The following LARS1 variants were observed in gnomAD, a reference collection of about 807,000 sequenced individuals.
The protein encoded by LARS1 is leucyl-tRNA synthetase 1.
In LARS1, 100 loss-of-function variants were observed where a neutral mutation model predicts 162.8. The observed-to-expected ratio is 0.61, with a 90% CI of 0.52 to 0.73. The LOEUF is 0.73. LARS1 is among the 30% of genes least tolerant of loss of function. LARS1 has a pLI of 0.00. For synonymous variants in LARS1, 457 were observed against 462.8 expected (o/e 0.99, Z 0.16); for missense variants, 1,258 against 1,408.9 (o/e 0.89, Z 1.71).
At chr5:146,163,927 G>A (rs1753890073) in intron 6 of LARS1, among the ~76,000 whole-genome samples, 1 of 152,054 alleles carries the variant, frequency 6.6e-6, no homozygotes, top group Non-Finnish European at 1.5e-5. Flanking sequence ...TAGAAAACAG[G>A]GAAAACCAAG....
chr5:146,114,301 T>C lies in LARS1; in HGVS notation c.3336A>G (p.Lys1112=), dbSNP rs141790396. Residue 1112 remains lysine (K), a synonymous_variant, in exon 32 of 32, where the codon AAA becomes AAG. Transcript: ENST00000394434. ...GATCATCAAATCTCATCAGTTTCAC[T>C]TTGGAAAGGTCTACAACAAAATAAA... The part of the protein sequence containing the change: ...KMNRGIKDLS[K]VKLMRFDDPL... 2,552 of 1,613,630 alleles carry C rather than the reference T, an allele frequency of 1.6e-3. 4 individuals carry two copies. The highest frequency in any genetic ancestry group is 2.6e-3 in the Admixed American group (156 of 60,010).
intron 2 of LARS1, among the ~76,000 whole-genome samples, chr5:146,174,382 T>C (rs1204034071): frequency 7.0e-6 from 1 of 142,740 alleles, no homozygotes; most frequent in Non-Finnish European, 1.5e-5. Flanking sequence ...GAGTCGGAGG[T>C]TGCGGTGAGC....
intron 25 of LARS1, 142 bp downstream of exon 25, chr5:146,129,876 C>T: frequency 1.2e-6 from 1 of 823,370 alleles, no homozygotes; most frequent in South Asian, 2.1e-5. Context: ...TTTAACCCGT[C>T]ATAATTATGA....
intron 31 of LARS1, 89 bp from the exon 32 acceptor site, chr5:146,114,400 G>T: frequency 1.0e-6 from 1 of 1,001,974 alleles, no homozygotes; most frequent in Non-Finnish European, 1.5e-6. Context: ...TAAATACGCT[G>T]GTTGTTATAT....
rs780589430 is a variant in LARS1 at position 146,122,526 on chromosome 5, C to G, written c.3158G>C (p.Cys1053Ser). 6.2e-7 allele frequency: 1 copy of G among 1,608,102 alleles called. No individual in the cohort carries two copies. The highest frequency in any genetic ancestry group is 8.5e-7 in the Non-Finnish European group (1 of 1,175,674). The part of the protein sequence containing the change: ...EAEDKIREDC[C>S]PGKPLNVFRI... Reference sequence around the variant, plus strand: ...AAAAACATTAAGTGGTTTCCCAGGACAGCAGTCTTCCCTGATTTTATCTTC... The same window carrying G: ...AAAAACATTAAGTGGTTTCCCAGGAGAGCAGTCTTCCCTGATTTTATCTTC... The change falls in exon 30 of 32, where the codon TGT becomes TCT. Residue 1053 changes from cysteine (C) to serine (S), a missense_variant. Physicochemically the swap from Cys to Ser is moderately radical, Grantham distance 112. Coordinates refer to ENST00000394434, the MANE Select transcript of LARS1 (RefSeq NM_020117.11).
intron 15 of LARS1, among the ~76,000 whole-genome samples, chr5:146,147,559 T>C (rs1753068681): frequency 6.6e-6 from 1 of 152,112 alleles, no homozygotes; most frequent in Non-Finnish European, 1.5e-5. Context: ...TCTTTAAAAA[T>C]AAGTTCTTAT....
Position 146,151,842 on chromosome 5 carries a change from TA to T in LARS1, c.1425+19del. On this transcript the variant is annotated intron_variant, in intron 14 of 31. Transcript: ENST00000394434. ...AGCATGGAGTAAAGCAAATAAAAAC[TA>T]AAAAAAATTATTACTTACACCCTCA... is the stretch of plus-strand genomic sequence containing the variant. The T allele has an allele frequency of 1.1e-5, 18 of 1,598,412 alleles. No homozygotes were observed. The highest frequency in any genetic ancestry group is 1.1e-5 in the South Asian group (1 of 89,700).
Position 146,120,742 on chromosome 5 carries a change from T to C in LARS1, c.3193-239A>G, listed in dbSNP as rs1380008146. 5.3e-5 allele frequency among the ~76,000 whole-genome samples: 8 copies of C among 152,294 alleles called. No individual in the cohort carries two copies. The East Asian group carries it at 1.3e-3, about 26-fold the overall frequency. ...ACCAATGATGGACACTAACAATAAC[T>C]ACATTTTCTCTTCCACAACCACCAT... On this transcript the variant is annotated intron_variant, in intron 30 of 31. Transcript: ENST00000394434.
At chr5:146,115,409 A>G (rs1764162799) in intron 31 of LARS1, among the ~76,000 whole-genome samples, 1 of 152,044 alleles carries the variant, frequency 6.6e-6, no homozygotes, top group South Asian at 2.1e-4. Context: ...TGCTCAAAAG[A>G]TGAAAGTATT....
At chr5:146,159,296 G>T in intron 8 of LARS1, 111 bp downstream of exon 8, 1 of 746,276 alleles carries the variant, frequency 1.3e-6, no homozygotes, top group Non-Finnish European at 2.3e-6. Context: ...CAGAGTATCA[G>T]GACTACATCC....
chr5:146,159,567 C>G lies in LARS1; in HGVS notation c.708-97G>C, dbSNP rs557649375. 1.4e-5 allele frequency: 12 copies of G among 835,148 alleles called. No individual in the cohort carries two copies. In the Admixed American group the frequency reaches 2.5e-4, roughly 17 times the overall value. The allele number at this position is 835,148 out of a possible 1,614,324, so 51.7% of individuals were successfully genotyped here. A position where few individuals can be genotyped will look rare whatever the true frequency, so the allele number is the denominator to read the frequency against. ...TGCACCTAATTTCTTACATGTCTTGCAACTAGAATTTCTGAGTAGATATCT... is the reference window on the plus strand; with the variant it reads ...TGCACCTAATTTCTTACATGTCTTGGAACTAGAATTTCTGAGTAGATATCT... On this transcript the variant is annotated intron_variant, in intron 7 of 31. Transcript: ENST00000394434.
chr5:146,125,017 G>A (rs62371946), intron 28 of LARS1, among the ~76,000 whole-genome samples: 33,555 of 150,628 alleles, frequency 0.22, 4,718 homozygotes, highest in Admixed American at 0.34. Flanking sequence ...ACACACACAC[G>A]CACACACACA....
In LARS1 at chr5:146,177,649, G is replaced by T; in HGVS notation, c.23C>A (p.Ala8Asp). 6.3e-7 allele frequency: 1 copy of T among 1,591,184 alleles called. No homozygotes were observed. The highest frequency in any genetic ancestry group is 8.6e-7 in the Non-Finnish European group (1 of 1,162,366). The change falls in exon 2 of 32, where the codon GCC becomes GAC. Residue 8 changes from alanine to aspartate, a missense_variant. By Grantham distance (126) the Ala-to-Asp change is moderately radical (BLOSUM62 -2). Transcript: ENST00000394434. ...AATCTTCTTCAAAAAGTCCACTTTGGCTGTTCCTTTTCTTTCCTATTGGAC... is the reference window on the plus strand; with the variant it reads ...AATCTTCTTCAAAAAGTCCACTTTGTCTGTTCCTTTTCTTTCCTATTGGAC... The part of the protein sequence containing the change: MAERKGT[A>D]KVDFLKKIEK...
chr5:146,170,796 AC>A (rs1328550468), intron 4 of LARS1, among the ~76,000 whole-genome samples: 4 of 150,814 alleles, frequency 2.7e-5, no homozygotes, highest in Non-Finnish European at 4.4e-5. Context: ...GGAGTTTGAA[AC>A]CAGCCTGGCC....
chr5:146,182,297 C>G (rs1754905879), intron 1 of LARS1, 191 bp downstream of exon 1: 2 of 704,732 alleles, frequency 2.8e-6, no homozygotes, highest in African/African-American at 1.8e-5. Context: ...CCAAGTACTC[C>G]GTAAAGTTAA....
intron 1 of LARS1, 24 bp from the exon 2 acceptor site, chr5:146,177,689 C>G (rs377608556): frequency 7.9e-6 from 10 of 1,272,370 alleles, no homozygotes; most frequent in Non-Finnish European, 1.1e-5. Flanking sequence ...AGAGAATAAT[C>G]CACTCTGTAT....
intron 15 of LARS1, among the ~76,000 whole-genome samples, chr5:146,146,675 T>C (rs1753023148): frequency 7.4e-6 from 1 of 135,712 alleles, no homozygotes; most frequent in Non-Finnish European, 1.6e-5. Context: ...TACACATTCC[T>C]AGCTATCTTC....
intron 10 of LARS1, 95 bp downstream of exon 10, chr5:146,157,307 AT>A (rs1753573651): frequency 2.7e-6 from 3 of 1,098,828 alleles, no homozygotes; most frequent in Admixed American, 3.8e-5. Context: ...TGTACACCTC[AT>A]TTTTTAAGGT....
At chr5:146,116,958 A>G (rs1751574878) in intron 31 of LARS1, among the ~76,000 whole-genome samples, 1 of 152,190 alleles carries the variant, frequency 6.6e-6, no homozygotes, top group African/African-American at 2.4e-5. Flanking sequence ...TTTAGATATC[A>G]AGGCATCCTG....
Sources: gnomAD v4.1 joint callset for allele counts (sites outside exome capture counted in the v4.1 genomes callset) on GRCh38, gnomAD v4.1.1 for gene constraint, MANE v1.5 for transcripts, NCBI Gene and HGNC (gene_info 2026-07-23, HGNC 2026-07-21) for gene names.